The following TP53BP2 variants were observed in gnomAD, a reference collection of about 807,000 sequenced individuals.
The protein encoded by TP53BP2 is tumor protein p53 binding protein 2.
A neutral mutation model predicts 126.2 loss-of-function variants in TP53BP2; 62 were observed. That is an observed-to-expected ratio of 0.49 (90% CI 0.40 to 0.61). The LOEUF (loss-of-function observed/expected upper bound fraction) is 0.61, where lower values mean the gene tolerates loss of function less well. Ranked by LOEUF, TP53BP2 falls within the 20% of genes least tolerant of loss-of-function variation. The pLI is 0.00. For synonymous variants in TP53BP2, 485 were observed against 502.9 expected (o/e 0.96, Z 0.48); for missense variants, 1,215 against 1,402.8 (o/e 0.87, Z 2.14).
At chr1:223,809,473 A>G (rs1414025247) in intron 4 of TP53BP2, among the ~76,000 whole-genome samples, 1 of 152,054 alleles carries the variant, frequency 6.6e-6, no homozygotes, top group East Asian at 1.9e-4. Context: ...AGGCTGAGGC[A>G]GGAGAATCGC....
intron 15 of TP53BP2, among the ~76,000 whole-genome samples, chr1:223,792,035 T>G (rs1424855221): frequency 6.6e-6 from 1 of 152,214 alleles, no homozygotes; most frequent in Non-Finnish European, 1.5e-5. Context: ...GACATTAATA[T>G]ATTGAAGACT....
intron 4 of TP53BP2, among the ~76,000 whole-genome samples, chr1:223,809,056 AATATAT>A (rs1662821742): frequency 6.6e-6 from 1 of 151,974 alleles, no homozygotes; most frequent in African/African-American, 2.4e-5. Flanking sequence ...GCTTTTTAAA[AATATAT>A]ATATAAAGAT....
Position 223,784,177 on chromosome 1 carries a change from T to C in TP53BP2, c.3301A>G (p.Ile1101Val), listed in dbSNP as rs770617990. Residue 1101 changes from isoleucine to valine, a missense_variant, in exon 17 of 18, where the codon ATC (isoleucine) becomes GTC (valine). Transcript: ENST00000343537. ...TTAAGGCGCGCCCACCACCATTCGA[T>C]TTCATCTTCGTCTTCCCTGTGGATG... ...TIIHREDEDE[I>V]EWWWARLNDK... The C allele has an allele frequency of 1.2e-6, 2 of 1,614,126 alleles. No individual in the cohort carries two copies. Among genetic ancestry groups the C allele is most frequent in the Non-Finnish European group, 1.7e-6 (2 of 1,180,022 alleles).
intron 1 of TP53BP2, among the ~76,000 whole-genome samples, chr1:223,837,163 G>GGGGGGT (rs1553264323): frequency 1.6e-5 from 2 of 124,818 alleles, no homozygotes; most frequent in African/African-American, 3.1e-5. Flanking sequence ...AAAGGGGGGG[G>GGGGGGT]GCGGGGGGTC....
In TP53BP2 at chr1:223,793,333, T is replaced by C. The variant is rs1558090520; in HGVS notation, c.2832A>G (p.Glu944=). 1.9e-6 allele frequency: 3 copies of C among 1,609,908 alleles called. No individual in the cohort carries two copies. Among genetic ancestry groups the C allele is most frequent in the South Asian group, 1.1e-5 (1 of 89,886 alleles). The change falls in exon 14 of 18, where the codon GAA becomes GAG. Residue 944 remains glutamate (E), a synonymous_variant. Transcript: ENST00000343537. The part of the protein sequence containing the change: ...ALLLDSSLEG[E]FDLVQRIIYE... ...AAATAATTCTCTGTACAAGGTCAAA[T>C]TCTCCCTCCAAAGACGAATCTAGCA...
At chr1:223,810,159 C>A (rs1030588269) in intron 4 of TP53BP2, among the ~76,000 whole-genome samples, 4 of 152,164 alleles carry the variant, frequency 2.6e-5, no homozygotes, top group South Asian at 2.1e-4. Context: ...ATGATTGCAA[C>A]AAATAAAATC....
Position 223,780,688 on chromosome 1 carries a change from A to C in TP53BP2, c.*165T>G, listed in dbSNP as rs1248038995. On this transcript the variant is annotated 3_prime_UTR_variant, in exon 18 of 18. Coordinates refer to ENST00000343537, the MANE Select transcript of TP53BP2 (RefSeq NM_001031685.3). The stretch of plus-strand genomic sequence containing the variant: ...ATTTCATCACGCTAAATGTCCTCTA[A>C]TGGTGAATTCTTCAATCCTTCATTC... The C allele has an allele frequency of 2.2e-5, 15 of 682,084 alleles. No homozygotes were observed. The highest frequency in any genetic ancestry group is 2.2e-5 in the Non-Finnish European group (9 of 407,040). The allele number at this position is 682,084 out of a possible 1,614,324, so 42.3% of individuals were successfully genotyped here.
At chr1:223,823,129 T>C (rs1663371093) in intron 1 of TP53BP2, among the ~76,000 whole-genome samples, 2 of 152,258 alleles carry the variant, frequency 1.3e-5, no homozygotes, top group South Asian at 2.1e-4. Context: ...AAGTAGGATA[T>C]ACCCTATGAC....
intron 17 of TP53BP2, among the ~76,000 whole-genome samples, chr1:223,782,312 A>G (rs541904825): frequency 7.9e-5 from 12 of 152,340 alleles, no homozygotes; most frequent in South Asian, 2.1e-4. Context: ...CTAAGGAGGT[A>G]AAGTCTTTCC....
intron 2 of TP53BP2, among the ~76,000 whole-genome samples, chr1:223,819,184 CAAA>C (rs533080608): frequency 1.7e-5 from 2 of 116,262 alleles, no homozygotes; most frequent in African/African-American, 5.7e-5. Context: ...AACTCTGTCT[CAAA>C]AAAAAAAAAA....
At chr1:223,822,273 T>C (rs1663338904) in intron 1 of TP53BP2, among the ~76,000 whole-genome samples, 1 of 151,602 alleles carries the variant, frequency 6.6e-6, no homozygotes, top group South Asian at 2.1e-4. Flanking sequence ...AAGTACAAGA[T>C]TTCATTAACA....
chr1:223,840,111 G>A (rs1325538283), intron 1 of TP53BP2, among the ~76,000 whole-genome samples: 1 of 152,208 alleles, frequency 6.6e-6, no homozygotes, highest in Non-Finnish European at 1.5e-5. Context: ...ATCTACTGAT[G>A]TTTAAAATTT....
intron 1 of TP53BP2, among the ~76,000 whole-genome samples, chr1:223,822,775 T>C (rs967105815): frequency 6.6e-6 from 1 of 151,740 alleles, no homozygotes; most frequent in African/African-American, 2.4e-5. Context: ...TCACACCTAT[T>C]AAATTACAAA....
Position 223,800,721 on chromosome 1 carries a change from T to C in TP53BP2, c.1315A>G (p.Thr439Ala). ...TCACCTTGATCCAGAGCATTCCCAG[T>C]GCTTTGAGGTACAGAAGCAGAGCCT... ...SQGSASVPQS[T>A]GNALDQVDDG... The change falls in exon 10 of 18, where the codon ACT becomes GCT. Residue 439 changes from threonine (T) to alanine (A), a missense_variant. This residue lies in a region of TP53BP2 where 814 missense variants were observed against 853.0 expected (regional missense o/e 0.95). Coordinates refer to ENST00000343537, the MANE Select transcript of TP53BP2 (RefSeq NM_001031685.3). 3.1e-6 allele frequency: 5 copies of C among 1,603,284 alleles called. No homozygotes were observed. The highest frequency in any genetic ancestry group is 4.2e-6 in the Non-Finnish European group (5 of 1,177,376).
intron 16 of TP53BP2, among the ~76,000 whole-genome samples, chr1:223,786,665 G>A (rs1661974643): frequency 6.6e-6 from 1 of 151,346 alleles, no homozygotes; most frequent in Non-Finnish European, 1.5e-5. Flanking sequence ...GGAGTGCAGT[G>A]GCGTGATCTC....
At chr1:223,804,601 T>A (rs1005518874) in intron 5 of TP53BP2, among the ~76,000 whole-genome samples, 5 of 152,242 alleles carry the variant, frequency 3.3e-5, no homozygotes, top group African/African-American at 7.2e-5. Context: ...GTGGTTCTTA[T>A]GCAGCAAGGA....
chr1:223,845,827 C>T lies in TP53BP2; in HGVS notation c.-147G>A. The stretch of plus-strand genomic sequence containing the variant: ...GCGGCGGCGCGCGGGTCCGAAGGGC[C>T]CTCCGCGCGGGCTGGGGCACCAACA... On this transcript the variant is annotated 5_prime_UTR_variant, in exon 1 of 18. Transcript: ENST00000343537. 1 of 643,406 alleles carries T rather than the reference C, an allele frequency of 1.6e-6. No homozygotes were observed. The highest frequency in any genetic ancestry group is 1.9e-5 in the African/African-American group (1 of 51,628). The allele number at this position is 643,406 out of a possible 1,614,324, so 39.9% of individuals were successfully genotyped here.
chr1:223,804,839 A>C (rs1247429574), intron 5 of TP53BP2, among the ~76,000 whole-genome samples: 1 of 152,236 alleles, frequency 6.6e-6, no homozygotes, highest in Non-Finnish European at 1.5e-5. Context: ...AGGGATGATC[A>C]ATAGTAACTA....
intron 11 of TP53BP2, among the ~76,000 whole-genome samples, chr1:223,798,944 C>T (rs573489376): frequency 4.6e-5 from 7 of 152,134 alleles, no homozygotes; most frequent in South Asian, 2.1e-4. Flanking sequence ...TGGTGGCGGG[C>T]GCCTGTAGTC....
Sources: allele counts gnomAD v4.1 joint callset (sites outside exome capture counted in the v4.1 genomes callset), GRCh38; gene constraint gnomAD v4.1.1; regional missense constraint gnomAD v4.1.1; transcripts MANE v1.5; gene names NCBI Gene and HGNC (gene_info 2026-07-23, HGNC 2026-07-21).